The following PUM3 variants were observed in gnomAD, a reference collection of about 807,000 sequenced individuals.
PUM3 encodes pumilio homolog 3.
Under a neutral mutation model 84.0 loss-of-function variants are expected in PUM3, and 91 were observed. The ratio of observed to expected loss-of-function variants is 1.08; its 90% CI spans 0.91 to 1.29. The LOEUF (loss-of-function observed/expected upper bound fraction) is 1.29. Among genes scored for constraint, PUM3 ranks in the 50% most tolerant of loss-of-function variants. The pLI, the probability that PUM3 is intolerant of heterozygous loss-of-function variation, is 0.00. For synonymous variants in PUM3, 321 were observed against 266.7 expected (o/e 1.20, Z -1.98); for missense variants, 1,067 against 767.5 (o/e 1.39, Z -4.61).
At position 2,811,465 on chromosome 9, in the gene PUM3, C is replaced by CCAA. The variant is rs1319631537; in HGVS notation, c.1528_1530dup (p.Leu510dup). On this transcript the variant is annotated inframe_insertion, in exon 15 of 18. Transcript: ENST00000397885. Reference sequence around the variant, plus strand: ...GTGGCAGATCCCAGAATGTCAGACACCAACACACACGCAGACTTATCTAGC... The same window carrying CCAA: ...GTGGCAGATCCCAGAATGTCAGACACCAACAACACACACGCAGACTTATCTAGC... 2 of 1,614,184 alleles carry CCAA rather than the reference C, an allele frequency of 1.2e-6. No individual in the cohort carries two copies.
chr9:2,819,422 T>C (rs73377842), intron 13 of PUM3, among the ~76,000 whole-genome samples: 1,606 of 152,314 alleles, frequency 0.011, 21 homozygotes, highest in African/African-American at 0.037. Context: ...ATTTCTGAAA[T>C]GTCAAAAGGA....
chr9:2,823,372 G>C (rs1332173199), intron 12 of PUM3, among the ~76,000 whole-genome samples: 1 of 151,804 alleles, frequency 6.6e-6, no homozygotes, highest in Non-Finnish European at 1.5e-5. Flanking sequence ...TATGGTTTTG[G>C]TCATAAGGAA....
intron 5 of PUM3, among the ~76,000 whole-genome samples, chr9:2,832,678 C>T (rs1816016412): frequency 6.6e-6 from 1 of 152,154 alleles, no homozygotes; most frequent in Non-Finnish European, 1.5e-5. Context: ...AAAGATCCTG[C>T]TGAATTTATA....
Position 2,833,336 on chromosome 9 carries a change from C to T in PUM3, c.516+21G>A, listed in dbSNP as rs746214751. On this transcript the variant is annotated intron_variant, in intron 5 of 17. Transcript: ENST00000397885. Reference sequence around the variant, plus strand: ...CAACTTCAACTGTTAAAAATTGCAACAATGAGTATATGCTACTTACAGTTT... The same window carrying T: ...CAACTTCAACTGTTAAAAATTGCAATAATGAGTATATGCTACTTACAGTTT... 17 of 1,379,574 alleles carry T rather than the reference C, an allele frequency of 1.2e-5. No individual in the cohort carries two copies. In the African/African-American group the frequency reaches 2.3e-4, roughly 19 times the overall value. 85.5% of individuals were successfully genotyped at this position (1,379,574 alleles called of 1,614,324 possible). A position where few individuals can be genotyped will look rare whatever the true frequency, so the allele number is the denominator to read the frequency against.
intron 1 of PUM3, among the ~76,000 whole-genome samples, chr9:2,842,218 T>C (rs183360548): frequency 1.3e-5 from 2 of 152,288 alleles, no homozygotes; most frequent in Non-Finnish European, 1.5e-5. Context: ...CCCTTTTTCC[T>C]TTCCCTCTAT....
At chr9:2,817,141 G>C (rs1821486104) in intron 13 of PUM3, among the ~76,000 whole-genome samples, 1 of 152,174 alleles carries the variant, frequency 6.6e-6, no homozygotes, top group Admixed American at 6.5e-5. Flanking sequence ...CAAGGATTTG[G>C]ATTAGCAAAA....
chr9:2,840,525 T>C (rs969125402), intron 1 of PUM3, among the ~76,000 whole-genome samples: 2 of 152,220 alleles, frequency 1.3e-5, no homozygotes, highest in Non-Finnish European at 2.9e-5. Flanking sequence ...ATTTCTCTTA[T>C]TACTTTTGCC....
At chr9:2,826,136 A>G (rs969828053) in intron 10 of PUM3, among the ~76,000 whole-genome samples, 2 of 151,722 alleles carry the variant, frequency 1.3e-5, no homozygotes, top group Non-Finnish European at 2.9e-5. Context: ...AAATGCCCCC[A>G]ATACCAGAAA....
At chr9:2,834,316 C>T (rs2129874271) in intron 3 of PUM3, 150 bp from the exon 4 acceptor site, 1 of 582,874 alleles carries the variant, frequency 1.7e-6, no homozygotes, top group Non-Finnish European at 2.9e-6. Context: ...ATATATACTT[C>T]ACTTTGCTTT....
intron 13 of PUM3, among the ~76,000 whole-genome samples, chr9:2,815,542 T>G (rs117938263): frequency 6.6e-6 from 1 of 152,228 alleles, no homozygotes; most frequent in Non-Finnish European, 1.5e-5. Context: ...TTAAACTCTT[T>G]GCATATTAAT....
chr9:2,818,356 T>C (rs1821517447), intron 13 of PUM3, among the ~76,000 whole-genome samples: 1 of 152,168 alleles, frequency 6.6e-6, no homozygotes, highest in African/African-American at 2.4e-5. Flanking sequence ...GGAATCAAAG[T>C]GATAAGCATA....
rs557686337 is a variant in PUM3 at position 2,833,485 on chromosome 9, A to G, written c.441-53T>C. On this transcript the variant is annotated intron_variant, in intron 4 of 17. Transcript: ENST00000397885. ...AGTTGAAATAAAGAAGTTATTTTAA[A>G]CACACAAAATTAAAAACTGTACCAG... The G allele has an allele frequency of 1.3e-4, 133 of 1,032,564 alleles. No individual in the cohort carries two copies. The African/African-American group carries it at 2.0e-3, about 16-fold the overall frequency. 64.0% of individuals were successfully genotyped at this position (1,032,564 alleles called of 1,614,324 possible).
Position 2,829,858 on chromosome 9 carries a change from C to A in PUM3, c.768G>T (p.Glu256Asp). Residue 256 changes from glutamate to aspartate, a missense_variant, in exon 8 of 18, where the codon GAG (glutamate) becomes GAT (aspartate). By Grantham distance (45) the Glu-to-Asp change is conservative. Coordinates refer to ENST00000397885, the MANE Select transcript of PUM3 (RefSeq NM_014878.5). ...LRHAEASAIVEYAYNDKAILE... is the reference protein window; with the variant it reads ...LRHAEASAIVDYAYNDKAILE... The stretch of plus-strand genomic sequence containing the variant: ...AAATGGCTTTGTCATTGTATGCGTA[C>A]TCCACGATGGCTGATGCTTCCGCAT... 1 of 1,614,118 alleles carries A rather than the reference C, an allele frequency of 6.2e-7. No individual in the cohort carries two copies. The highest frequency in any genetic ancestry group is 8.5e-7 in the Non-Finnish European group (1 of 1,179,950).
Position 2,827,061 on chromosome 9 carries a change from C to G in PUM3, c.1035+12G>C. ...CCATGTTTTAGTTTAAAAACAAAAA[C>G]CAAGAACTTACTGATCTGAGTTTGG... On this transcript the variant is annotated intron_variant, in intron 10 of 17. Coordinates refer to ENST00000397885, the MANE Select transcript of PUM3 (RefSeq NM_014878.5). The G allele has an allele frequency of 1.9e-6, 3 of 1,602,618 alleles. No homozygotes were observed. In the East Asian group the frequency reaches 6.7e-5, roughly 36 times the overall value.
rs1368008103 is a variant in PUM3 at position 2,830,984 on chromosome 9, C to A, written c.655G>T (p.Val219Phe). Reference sequence around the variant, plus strand: ...TACCCATACATGAGAAATTTCTTAACAATATTTCTCGAATATTTGGCTTTA... The same window carrying A: ...TACCCATACATGAGAAATTTCTTAAAAATATTTCTCGAATATTTGGCTTTA... ...LSKAKYSRNI[V>F]KKFLMYGSKP... Residue 219 changes from valine to phenylalanine, a missense_variant, in exon 7 of 18, where the codon GTT becomes TTT. Coordinates refer to ENST00000397885, the MANE Select transcript of PUM3 (RefSeq NM_014878.5). 1.3e-6 allele frequency: 2 copies of A among 1,485,284 alleles called. No individual in the cohort carries two copies. The highest frequency in any genetic ancestry group is 1.2e-5 in the South Asian group (1 of 86,200). 92.0% of individuals were successfully genotyped at this position (1,485,284 alleles called of 1,614,324 possible). A position where few individuals can be genotyped will look rare whatever the true frequency, so the allele number is the denominator to read the frequency against.
At chr9:2,823,962 A>T in intron 11 of PUM3, 128 bp from the exon 12 acceptor site, 1 of 522,204 alleles carries the variant, frequency 1.9e-6, no homozygotes, top group Non-Finnish European at 3.4e-6. Context: ...AGTAAAAATA[A>T]TAGTTATACA....
intron 15 of PUM3, 120 bp downstream of exon 15, chr9:2,811,241 T>C (rs1821362233): frequency 5.4e-6 from 4 of 745,702 alleles, no homozygotes; most frequent in South Asian, 3.3e-5. Context: ...GAGAGGTTCT[T>C]GGTTGTTTAT....
intron 5 of PUM3, among the ~76,000 whole-genome samples, chr9:2,832,272 T>G (rs545434307): frequency 5.9e-5 from 9 of 152,306 alleles, no homozygotes; most frequent in African/African-American, 2.2e-4. Context: ...TATTTATAAC[T>G]CAAAGCAACA....
intron 17 of PUM3, among the ~76,000 whole-genome samples, chr9:2,804,915 G>C (rs746434582): frequency 6.6e-6 from 1 of 152,172 alleles, no homozygotes; most frequent in African/African-American, 2.4e-5. Flanking sequence ...GAAAAGGTGT[G>C]AACAGAGGCA....
Sources: allele counts gnomAD v4.1 joint callset (sites outside exome capture counted in the v4.1 genomes callset), GRCh38; gene constraint gnomAD v4.1.1; transcripts MANE v1.5; gene names NCBI Gene and HGNC (gene_info 2026-07-23, HGNC 2026-07-21).